The following MCUB variants were observed in gnomAD, a reference collection of about 807,000 sequenced individuals.
MCUB encodes calcium uniporter regulatory subunit MCUb, mitochondrial.
MCUB carries 46 observed loss-of-function variants against 41.4 expected under a neutral mutation model. The ratio of observed to expected loss-of-function variants is 1.11; its 90% CI spans 0.88 to 1.42. The LOEUF is 1.42. MCUB is among the 40% of genes most tolerant of loss of function. MCUB has a pLI of 0.00. For synonymous variants in MCUB, 148 were observed against 148.2 expected, an observed-to-expected ratio of 1.00 and a Z score of 0.01; for missense variants, 403 against 404.9, an observed-to-expected ratio of 1.00 and a Z score of 0.04.
At chr4:109,642,932 A>G (rs963395892) in intron 1 of MCUB, among the ~76,000 whole-genome samples, 3 of 126,572 alleles carry the variant, frequency 2.4e-5, no homozygotes, top group Non-Finnish European at 4.7e-5. Flanking sequence ...GTCTTGCACC[A>G]TCACCCGGGC....
At position 109,674,647 on chromosome 4, in the gene MCUB, A is replaced by G. The variant is rs1729533603; in HGVS notation, c.452-7935A>G. ...TGCATGTGTTTAAACCAAATCCAGA[A>G]AGCTTAAACAATAGAGCTGCATAAT... On this transcript the variant is annotated intron_variant, in intron 4 of 7. Transcript: ENST00000394650. Among the ~76,000 whole-genome samples the G allele has an allele frequency of 2.0e-5, 3 of 152,266 alleles. No homozygotes were observed. In the South Asian group the frequency reaches 6.2e-4, roughly 32 times the overall value.
intron 1 of MCUB, among the ~76,000 whole-genome samples, chr4:109,613,631 G>T (rs1361574691): frequency 2.0e-5 from 3 of 152,138 alleles, no homozygotes. Flanking sequence ...ATGTAATCAT[G>T]GAAGACGCAT....
chr4:109,585,065 C>G (rs1727273975), intron 1 of MCUB, among the ~76,000 whole-genome samples: 2 of 152,092 alleles, frequency 1.3e-5, no homozygotes, highest in Non-Finnish European at 2.9e-5. Flanking sequence ...TCTGCCACTA[C>G]TATTGTATGG....
intron 1 of MCUB, among the ~76,000 whole-genome samples, chr4:109,645,580 A>G (rs1283756045): frequency 6.6e-6 from 1 of 151,544 alleles, no homozygotes; most frequent in African/African-American, 2.4e-5. Flanking sequence ...TATCATCCGC[A>G]GCACCACCCA....
chr4:109,627,917 GAA>G (rs35135859), intron 1 of MCUB, among the ~76,000 whole-genome samples: 82 of 135,466 alleles, frequency 6.1e-4, no homozygotes, highest in African/African-American at 1.4e-3. Flanking sequence ...TGTCTCAGAA[GAA>G]AAAAAAAAAA....
chr4:109,679,016 G>A (rs1182703330), intron 4 of MCUB, among the ~76,000 whole-genome samples: 3 of 150,808 alleles, frequency 2.0e-5, no homozygotes, highest in Non-Finnish European at 4.4e-5. Context: ...TAGATGGGGT[G>A]GCAGCTGGGC....
intron 1 of MCUB, among the ~76,000 whole-genome samples, chr4:109,636,255 A>G (rs1455123123): frequency 3.9e-5 from 6 of 152,326 alleles, no homozygotes; most frequent in Middle Eastern, 3.4e-3. Context: ...TGAACTGGGT[A>G]GATACCCTAA....
At chr4:109,587,049 G>A (rs1482819768) in intron 1 of MCUB, among the ~76,000 whole-genome samples, 1 of 152,232 alleles carries the variant, frequency 6.6e-6, no homozygotes. Context: ...ATTCAGCTAT[G>A]CCCTGTTCCC....
intron 1 of MCUB, among the ~76,000 whole-genome samples, chr4:109,618,572 T>G (rs1032059488): frequency 6.6e-6 from 1 of 152,212 alleles, no homozygotes; most frequent in African/African-American, 2.4e-5. Flanking sequence ...TTATTATGCT[T>G]CTTCTTAAAT....
intron 1 of MCUB, among the ~76,000 whole-genome samples, chr4:109,584,359 G>T (rs1487660278): frequency 6.6e-6 from 1 of 151,950 alleles, no homozygotes; most frequent in African/African-American, 2.4e-5. Context: ...TATTAGTCTT[G>T]CTAGCAGTCT....
At position 109,682,373 on chromosome 4, in the gene MCUB, T is replaced by C. The variant is rs116519957; in HGVS notation, c.452-209T>C. On this transcript the variant is annotated intron_variant, in intron 4 of 7. Transcript: ENST00000394650. ...TGAACTGCTCTTCAGATCCACACTT[T>C]GTTGTTTACTGTGACTCTCTTTGTT... 1.2e-3 allele frequency among the ~76,000 whole-genome samples: 188 copies of C among 152,292 alleles called. 1 individual carries two copies. Among genetic ancestry groups the C allele is most frequent in the Non-Finnish European group, 2.0e-3 (134 of 68,024 alleles).
chr4:109,614,910 C>A (rs1056268324), intron 1 of MCUB, among the ~76,000 whole-genome samples: 1 of 152,118 alleles, frequency 6.6e-6, no homozygotes, highest in South Asian at 2.1e-4. Context: ...CCAACTGATA[C>A]ACAGCACAGA....
chr4:109,640,858 G>A (rs1728697945), intron 1 of MCUB, among the ~76,000 whole-genome samples: 1 of 152,112 alleles, frequency 6.6e-6, no homozygotes, highest in Admixed American at 6.5e-5. Flanking sequence ...TTCACTACCT[G>A]GTTAACTGGT....
chr4:109,639,213 G>T (rs976608638), intron 1 of MCUB, among the ~76,000 whole-genome samples: 5 of 152,318 alleles, frequency 3.3e-5, no homozygotes, highest in South Asian at 2.1e-4. Context: ...AGACTTGAAA[G>T]TGTAAATTAC....
At chr4:109,686,161 A>G (rs1729831710) in intron 7 of MCUB, among the ~76,000 whole-genome samples, 1 of 152,158 alleles carries the variant, frequency 6.6e-6, no homozygotes. Context: ...TTTTTTTGAG[A>G]CAGATTCTTG....
intron 1 of MCUB, among the ~76,000 whole-genome samples, chr4:109,639,635 C>T (rs554183601): frequency 1.3e-5 from 2 of 152,108 alleles, no homozygotes; most frequent in East Asian, 1.9e-4. Context: ...TGCAGGGAGC[C>T]GAGATCATGC....
chr4:109,669,929 A>G (rs892001855), intron 4 of MCUB, among the ~76,000 whole-genome samples: 1 of 151,962 alleles, frequency 6.6e-6, no homozygotes, highest in Middle Eastern at 3.2e-3. Flanking sequence ...CATGTTATCT[A>G]CTTTTTCTAG....
intron 1 of MCUB, among the ~76,000 whole-genome samples, chr4:109,630,135 A>C (rs1047474126): frequency 7.9e-6 from 1 of 127,158 alleles, no homozygotes; most frequent in African/African-American, 2.9e-5. Flanking sequence ...ATTACAGGAA[A>C]CATAGCTGCT....
At chr4:109,652,557 T>G (rs538904565) in intron 1 of MCUB, among the ~76,000 whole-genome samples, 1 of 152,210 alleles carries the variant, frequency 6.6e-6, no homozygotes, top group South Asian at 2.1e-4. Context: ...TGCTGCATTA[T>G]CCCATGGCAG....
Sources: gnomAD v4.1 joint callset for allele counts (sites outside exome capture counted in the v4.1 genomes callset) on GRCh38, gnomAD v4.1.1 for gene constraint, MANE v1.5 for transcripts, NCBI Gene and HGNC (gene_info 2026-07-23, HGNC 2026-07-21) for gene names.